Variants in PPP1R8 observed in about 807,000 individuals in gnomAD.
The protein encoded by PPP1R8 is nuclear inhibitor of protein phosphatase 1.
Under a neutral mutation model 31.3 loss-of-function variants are expected in PPP1R8, and 4 were observed. The ratio of observed to expected loss-of-function variants is 0.13; its 90% CI spans 0.06 to 0.29. PPP1R8 has a LOEUF of 0.29. PPP1R8 is among the 10% of genes least tolerant of loss of function. The pLI is 1.00. For synonymous variants in PPP1R8, 170 were observed against 169.7 expected, an observed-to-expected ratio of 1.00 and a Z score of -0.01; for missense variants, 254 against 440.1, an observed-to-expected ratio of 0.58 and a Z score of 3.78.
In PPP1R8 at chr1:27,851,328, TC is replaced by T. The variant is rs2089342318; in HGVS notation, c.*888del. The T allele has an allele frequency of 3.2e-6, 1 of 311,682 alleles. No individual in the cohort carries two copies. 19.3% of individuals were successfully genotyped at this position (311,682 alleles called of 1,614,324 possible). ...TTTAGATGTCAGTTTGGAGGCTCTT[TC>T]CCCCCTCAATTGAGAGCTCTTGTTA... is the stretch of plus-strand genomic sequence containing the variant. On this transcript the variant is annotated 3_prime_UTR_variant, in exon 7 of 7. Transcript: ENST00000311772.
intron 5 of PPP1R8, among the ~76,000 whole-genome samples, chr1:27,845,261 G>T (rs530380374): frequency 1.3e-5 from 2 of 151,002 alleles, no homozygotes; most frequent in East Asian, 4.0e-4. Context: ...GTGGTGGCGG[G>T]CGCCTGTAGT....
chr1:27,831,941 A>G (rs552560265), intron 1 of PPP1R8, among the ~76,000 whole-genome samples: 1 of 152,244 alleles, frequency 6.6e-6, no homozygotes, highest in African/African-American at 2.4e-5. Context: ...ATGTGTGGCT[A>G]TTTTCTGGAT....
chr1:27,850,469 T>TCCAGGGG lies in PPP1R8; in HGVS notation c.*23_*24insCCAGGGG. On this transcript the variant is annotated 3_prime_UTR_variant, in exon 7 of 7. Transcript: ENST00000311772. The stretch of plus-strand genomic sequence containing the variant: ...TGATATTTTTGGTCATGGAGAAGGG[T>TCCAGGGG]GGGATTGGGTGGGAATGGGGTGGAA... 1 of 422,870 alleles carries TCCAGGGG rather than the reference T, an allele frequency of 2.4e-6. No individual in the cohort carries two copies. The highest frequency in any genetic ancestry group is 4.9e-6 in the Non-Finnish European group (1 of 205,682). 26.2% of individuals were successfully genotyped at this position (422,870 alleles called of 1,614,324 possible). A position where few individuals can be genotyped will look rare whatever the true frequency, so the allele number is the denominator to read the frequency against.
chr1:27,845,783 CTTTTTTTTTT>C (rs773994854), intron 5 of PPP1R8, among the ~76,000 whole-genome samples: 2 of 91,834 alleles, frequency 2.2e-5, no homozygotes, highest in East Asian at 3.9e-4. Flanking sequence ...TTCTTTCTTT[CTTTTTTTTTT>C]TTTTTTTTTT....
At chr1:27,831,063 G>T in intron 1 of PPP1R8, 172 bp downstream of exon 1, 3 of 1,388,024 alleles carry the variant, frequency 2.2e-6, no homozygotes, top group Non-Finnish European at 2.8e-6. Context: ...AGAACCGAGA[G>T]CCTGGAGCCC....
At chr1:27,842,088 C>G (rs1000549268) in intron 4 of PPP1R8, among the ~76,000 whole-genome samples, 5 of 152,134 alleles carry the variant, frequency 3.3e-5, no homozygotes, top group Non-Finnish European at 5.9e-5. Context: ...TGTTTGTAAC[C>G]CCAGCACTTC....
intron 5 of PPP1R8, among the ~76,000 whole-genome samples, chr1:27,846,159 T>A (rs544267706): frequency 6.6e-6 from 1 of 152,336 alleles, no homozygotes; most frequent in South Asian, 2.1e-4. Flanking sequence ...GGGAAATGAT[T>A]CCTTCTCTAT....
chr1:27,843,593 G>A (rs1161859689), intron 5 of PPP1R8, among the ~76,000 whole-genome samples: 1 of 151,858 alleles, frequency 6.6e-6, no homozygotes, highest in Non-Finnish European at 1.5e-5. Flanking sequence ...CCAGGAGGCA[G>A]AAGCTGCAGT....
At chr1:27,847,739 AT>A (rs2089299699) in intron 6 of PPP1R8, among the ~76,000 whole-genome samples, 1 of 152,104 alleles carries the variant, frequency 6.6e-6, no homozygotes, top group African/African-American at 2.4e-5. Flanking sequence ...CAAAAAAAAA[AT>A]AACCTGCTCT....
At chr1:27,844,754 GGCTGGAGT>G (rs1284069983) in intron 5 of PPP1R8, among the ~76,000 whole-genome samples, 1 of 126,360 alleles carries the variant, frequency 7.9e-6, no homozygotes, top group Admixed American at 8.9e-5. Flanking sequence ...CTGTCACCCA[GGCTGGAGT>G]GCTGGAGTGC....
intron 1 of PPP1R8, among the ~76,000 whole-genome samples, chr1:27,831,527 G>A (rs2089107307): frequency 6.6e-6 from 1 of 152,160 alleles, no homozygotes; most frequent in South Asian, 2.1e-4. Context: ...GAATAAATAT[G>A]AATTACCTTA....
chr1:27,850,010 G>T, intron 6 of PPP1R8, 83 bp from the exon 7 acceptor site: 1 of 1,307,408 alleles, frequency 7.6e-7, no homozygotes, highest in South Asian at 1.6e-5. Context: ...TTTAAGGCTG[G>T]AATAGAAAAA....
intron 2 of PPP1R8, among the ~76,000 whole-genome samples, chr1:27,835,897 T>C (rs2089159862): frequency 6.6e-6 from 1 of 152,194 alleles, no homozygotes. Context: ...AGGGTGGTTG[T>C]GAGGATGAAA....
chr1:27,850,607 T>C lies in PPP1R8; in HGVS notation c.*161T>C. ...GTAATATGACAATTGGGGGTGGGGT[T>C]GAAATAGCCCATAAAGACCTGTCTT... On this transcript the variant is annotated 3_prime_UTR_variant, in exon 7 of 7. Transcript: ENST00000311772. 1.5e-6 allele frequency: 1 copy of C among 663,134 alleles called. No individual in the cohort carries two copies. Among genetic ancestry groups the C allele is most frequent in the Non-Finnish European group, 2.5e-6 (1 of 398,432 alleles). The allele number at this position is 663,134 out of a possible 1,614,324, so 41.1% of individuals were successfully genotyped here. A position where few individuals can be genotyped will look rare whatever the true frequency, so the allele number is the denominator to read the frequency against.
chr1:27,831,918 A>G (rs906076640), intron 1 of PPP1R8, among the ~76,000 whole-genome samples: 7 of 152,226 alleles, frequency 4.6e-5, no homozygotes, highest in African/African-American at 1.7e-4. Context: ...TAGCAAACCC[A>G]AAAAGCAAGC....
At chr1:27,836,254 A>AGC in intron 2 of PPP1R8, among the ~76,000 whole-genome samples, 1 of 152,334 alleles carries the variant, frequency 6.6e-6, no homozygotes, top group Middle Eastern at 3.4e-3. Flanking sequence ...CTCCCACTGG[A>AGC]TTACTAGACC....
chr1:27,834,564 A>G (rs1387736402), intron 2 of PPP1R8: 2 of 517,568 alleles, frequency 3.9e-6, no homozygotes, highest in Non-Finnish European at 3.9e-6. Flanking sequence ...CAGAGGCACA[A>G]CTGGATAGCA....
chr1:27,849,264 C>T (rs1015290843), intron 6 of PPP1R8, among the ~76,000 whole-genome samples: 1 of 150,704 alleles, frequency 6.6e-6, no homozygotes, highest in South Asian at 2.1e-4. Flanking sequence ...CCAGCTACTC[C>T]GGAGGCTGAG....
chr1:27,847,752 T>C (rs2089299816), intron 6 of PPP1R8, among the ~76,000 whole-genome samples: 1 of 152,014 alleles, frequency 6.6e-6, no homozygotes. Flanking sequence ...ACCTGCTCTT[T>C]ATGTGCTGTT....
Sources: allele counts gnomAD v4.1 joint callset (sites outside exome capture counted in the v4.1 genomes callset), GRCh38; gene constraint gnomAD v4.1.1; transcripts MANE v1.5; gene names NCBI Gene and HGNC (gene_info 2026-07-23, HGNC 2026-07-21).